SCFD2: variants seen among roughly 807,000 people sequenced by gnomAD.
SCFD2 encodes the protein sec1 family domain containing 2.
A neutral mutation model predicts 58.9 loss-of-function variants in SCFD2; 54 were observed. The ratio of observed to expected loss-of-function variants is 0.92; its 90% CI spans 0.74 to 1.15. The LOEUF is 1.15. Ranked by LOEUF, SCFD2 falls within the 50% of genes most tolerant of loss-of-function variation. The pLI is 0.00. For synonymous variants in SCFD2, 321 were observed against 335.9 expected (o/e 0.96, Z 0.49); for missense variants, 805 against 836.6 (o/e 0.96, Z 0.47).
chr4:53,124,452 A>T (rs1187302513), intron 5 of SCFD2, among the ~76,000 whole-genome samples: 2 of 152,152 alleles, frequency 1.3e-5, no homozygotes, highest in Non-Finnish European at 2.9e-5. Flanking sequence ...ATCAGTTCCA[A>T]ATATGTAGGT....
intron 4 of SCFD2, among the ~76,000 whole-genome samples, chr4:53,151,280 G>C (rs1035103555): frequency 6.6e-6 from 1 of 152,168 alleles, no homozygotes; most frequent in Non-Finnish European, 1.5e-5. Flanking sequence ...AAGAAAAAAG[G>C]TTTCCTTACA....
intron 5 of SCFD2, among the ~76,000 whole-genome samples, chr4:53,038,806 C>T (rs1381315816): frequency 6.6e-6 from 1 of 151,756 alleles, no homozygotes; most frequent in Non-Finnish European, 1.5e-5. Flanking sequence ...CTCCCACCTT[C>T]GCCTCCTGAG....
intron 5 of SCFD2, among the ~76,000 whole-genome samples, chr4:53,010,079 C>T (rs1463212529): frequency 2.6e-5 from 4 of 152,202 alleles, no homozygotes; most frequent in African/African-American, 9.6e-5. Context: ...TACCTCATAT[C>T]CTCCACAGCA....
chr4:53,017,872 G>A (rs1313149769), intron 5 of SCFD2, among the ~76,000 whole-genome samples: 1 of 145,880 alleles, frequency 6.9e-6, no homozygotes, highest in East Asian at 2.0e-4. Context: ...CTACCTGGTA[G>A]GTCATTCCCC....
chr4:53,045,131 G>A (rs547012313), intron 5 of SCFD2, among the ~76,000 whole-genome samples: 1 of 152,254 alleles, frequency 6.6e-6, no homozygotes, highest in South Asian at 2.1e-4. Context: ...GCAAAGAGGT[G>A]AGTTTCACAA....
chr4:53,052,839 A>G (rs1211430497), intron 5 of SCFD2, among the ~76,000 whole-genome samples: 1 of 152,190 alleles, frequency 6.6e-6, no homozygotes, highest in East Asian at 1.9e-4. Context: ...ATGCAACAAC[A>G]TGATGGATCT....
intron 3 of SCFD2, 92 bp from the exon 4 acceptor site, chr4:53,274,093 T>G: frequency 8.9e-7 from 1 of 1,121,034 alleles, no homozygotes. Flanking sequence ...GTCTTGTATT[T>G]GGGCAGAACT....
At chr4:53,109,311 C>T (rs1274719144) in intron 5 of SCFD2, among the ~76,000 whole-genome samples, 1 of 152,120 alleles carries the variant, frequency 6.6e-6, no homozygotes, top group Middle Eastern at 3.2e-3. Context: ...CAGCACAAGA[C>T]AAGGATGCCT....
intron 4 of SCFD2, among the ~76,000 whole-genome samples, chr4:53,255,197 T>TTTTATTTATTTATTTATTTATTTATTTA (rs36000814): frequency 5.0e-5 from 7 of 140,620 alleles, no homozygotes; most frequent in East Asian, 2.0e-4. Context: ...TTTTTTTCTT[T>TTTTATTTATTTATTTATTTATTTATTTA]TTTATTTATT....
intron 5 of SCFD2, among the ~76,000 whole-genome samples, chr4:52,995,901 A>G (rs1157443107): frequency 3.3e-5 from 5 of 152,170 alleles, no homozygotes; most frequent in Non-Finnish European, 2.9e-5. Context: ...CAAGAGTCCC[A>G]TATTAGCTTG....
chr4:52,945,749 A>G (rs1020626457), intron 5 of SCFD2: 3 of 152,216 alleles, frequency 2.0e-5, no homozygotes, highest in Non-Finnish European at 4.4e-5. Flanking sequence ...TTTCCAAGCC[A>G]TGAAAAATAA....
intron 8 of SCFD2, among the ~76,000 whole-genome samples, chr4:52,883,684 C>T (rs1718670654): frequency 6.6e-6 from 1 of 152,112 alleles, no homozygotes; most frequent in Non-Finnish European, 1.5e-5. Context: ...ATTTGGTTCA[C>T]CACGTTAGGG....
chr4:53,251,195 T>A (rs1730361583), intron 4 of SCFD2, among the ~76,000 whole-genome samples: 1 of 152,176 alleles, frequency 6.6e-6, no homozygotes, highest in East Asian at 1.9e-4. Context: ...AGAAGTTGAA[T>A]CTCTGAATGG....
chr4:53,219,049 C>T (rs552169528), intron 4 of SCFD2, among the ~76,000 whole-genome samples: 191 of 152,320 alleles, frequency 1.3e-3, no homozygotes, highest in Non-Finnish European at 2.0e-3. Context: ...TCTGCCCCTA[C>T]TAGAGGGTGC....
intron 5 of SCFD2, among the ~76,000 whole-genome samples, chr4:52,977,228 TTTTG>T (rs1305980801): frequency 6.6e-6 from 1 of 152,192 alleles, no homozygotes; most frequent in Non-Finnish European, 1.5e-5. Flanking sequence ...ATTCAATTGT[TTTTG>T]TTTAATATAG....
chr4:52,996,145 T>C (rs1180394889), intron 5 of SCFD2, among the ~76,000 whole-genome samples: 1 of 152,196 alleles, frequency 6.6e-6, no homozygotes, highest in Non-Finnish European at 1.5e-5. Flanking sequence ...TCCTCACACA[T>C]TTACACCCCC....
chr4:53,257,141 C>A (rs753782061), intron 4 of SCFD2, among the ~76,000 whole-genome samples: 1 of 151,982 alleles, frequency 6.6e-6, no homozygotes, highest in African/African-American at 2.4e-5. Context: ...CCAAATATCA[C>A]CTTTAATACA....
chr4:53,038,541 G>GTAAAAC (rs1722819176), intron 5 of SCFD2, among the ~76,000 whole-genome samples: 1 of 152,132 alleles, frequency 6.6e-6, no homozygotes, highest in Non-Finnish European at 1.5e-5. Flanking sequence ...GACTTGCATG[G>GTAAAAC]AGAGTTTCAT....
At chr4:53,134,368 TA>T (rs565854471) in intron 5 of SCFD2, among the ~76,000 whole-genome samples, 12 of 148,714 alleles carry the variant, frequency 8.1e-5, no homozygotes, top group Middle Eastern at 3.2e-3. Context: ...AAATAAAATT[TA>T]AAAAAAAAAC....
Sources: allele counts gnomAD v4.1 joint callset (sites outside exome capture counted in the v4.1 genomes callset), GRCh38; gene constraint gnomAD v4.1.1; transcripts MANE v1.5; gene names NCBI Gene and HGNC (gene_info 2026-07-23, HGNC 2026-07-21).